PRKD1: variants seen among roughly 807,000 people sequenced by gnomAD.
PRKD1 encodes the protein protein kinase D1, also known as serine/threonine-protein kinase D1.
A neutral mutation model predicts 95.9 loss-of-function variants in PRKD1; 63 were observed. That is an observed-to-expected ratio of 0.66 (90% CI 0.54 to 0.81). The LOEUF (loss-of-function observed/expected upper bound fraction) is 0.81. Among genes scored for constraint, PRKD1 ranks in the 30% least tolerant of loss-of-function variants. The pLI is 0.00. For synonymous variants in PRKD1, 425 were observed against 423.1 expected, an observed-to-expected ratio of 1.00 and a Z score of -0.05; for missense variants, 1,048 against 1,165.3, an observed-to-expected ratio of 0.90 and a Z score of 1.47.
intron 1 of PRKD1, among the ~76,000 whole-genome samples, chr14:29,774,054 C>T (rs776030685): frequency 1.3e-5 from 2 of 152,182 alleles, no homozygotes; most frequent in Non-Finnish European, 2.9e-5. Flanking sequence ...AAATGCCTCC[C>T]AGAAAAGACG....
intron 1 of PRKD1, among the ~76,000 whole-genome samples, chr14:29,768,943 A>T (rs1219945104): frequency 6.6e-6 from 1 of 152,142 alleles, no homozygotes; most frequent in Non-Finnish European, 1.5e-5. Context: ...CGGGAGCCCA[A>T]GTCAGGTCAC....
At chr14:29,752,092 T>C (rs1887502612) in intron 1 of PRKD1, among the ~76,000 whole-genome samples, 2 of 152,222 alleles carry the variant, frequency 1.3e-5, no homozygotes, top group South Asian at 2.1e-4. Flanking sequence ...ACTACACTAA[T>C]TGATACTTGC....
At chr14:29,729,773 T>C (rs1286618413) in intron 1 of PRKD1, among the ~76,000 whole-genome samples, 2 of 152,094 alleles carry the variant, frequency 1.3e-5, no homozygotes, top group Non-Finnish European at 1.5e-5. Flanking sequence ...CTTAGTTTAA[T>C]ATGACCATTT....
At chr14:29,779,270 G>A (rs942165794) in intron 1 of PRKD1, among the ~76,000 whole-genome samples, 1 of 152,136 alleles carries the variant, frequency 6.6e-6, no homozygotes, top group African/African-American at 2.4e-5. Context: ...TCAACATAGT[G>A]TTGGAAGTTC....
At chr14:29,927,013 TGGAGAGAAATC>T (rs1219731222) in intron 1 of PRKD1, among the ~76,000 whole-genome samples, 4 of 151,882 alleles carry the variant, frequency 2.6e-5, no homozygotes, top group Admixed American at 2.0e-4. Flanking sequence ...GGCGGCGGAC[TGGAGAGAAATC>T]GGTGAATAGA....
intron 1 of PRKD1, among the ~76,000 whole-genome samples, chr14:29,888,817 T>TATATA (rs1893834537): frequency 6.6e-6 from 1 of 152,216 alleles, no homozygotes; most frequent in Non-Finnish European, 1.5e-5. Context: ...GTCCTGAGCA[T>TATATA]TAATTCATAT....
chr14:29,903,639 A>T (rs1435075087), intron 1 of PRKD1, among the ~76,000 whole-genome samples: 1 of 152,238 alleles, frequency 6.6e-6, no homozygotes, highest in East Asian at 1.9e-4. Context: ...TGAAGACTCA[A>T]AACCCTGGAT....
chr14:29,633,465 T>G (rs575607745), intron 8 of PRKD1, among the ~76,000 whole-genome samples: 1 of 152,318 alleles, frequency 6.6e-6, no homozygotes, highest in South Asian at 2.1e-4. Flanking sequence ...TTTGACTCCA[T>G]GACATCAACT....
intron 1 of PRKD1, among the ~76,000 whole-genome samples, chr14:29,901,108 C>G (rs1373983170): frequency 1.3e-5 from 2 of 152,074 alleles, no homozygotes; most frequent in Admixed American, 6.5e-5. Flanking sequence ...CAACAGTGAA[C>G]TGGATAAAGA....
At chr14:29,671,175 CAAGAGAAAAAGG>C (rs1433667638) in intron 2 of PRKD1, among the ~76,000 whole-genome samples, 2 of 151,954 alleles carry the variant, frequency 1.3e-5, no homozygotes, top group Admixed American at 1.3e-4. Flanking sequence ...AATATGGCTA[CAAGAGAAAAAGG>C]TCTCACAAGC....
At chr14:29,811,211 T>A (rs772422095) in intron 1 of PRKD1, among the ~76,000 whole-genome samples, 48 of 152,208 alleles carry the variant, frequency 3.2e-4, no homozygotes, top group Non-Finnish European at 6.5e-4. Flanking sequence ...GCCATGGTGT[T>A]ATTTGCTACT....
intron 4 of PRKD1, among the ~76,000 whole-genome samples, chr14:29,640,586 C>T (rs1880693053): frequency 6.6e-6 from 1 of 152,204 alleles, no homozygotes; most frequent in South Asian, 2.1e-4. Context: ...GTTTGCCAAA[C>T]CAGAATCATG....
At chr14:29,624,399 CAT>C (rs149960203) in intron 12 of PRKD1, 141 bp from the exon 13 acceptor site, 6,362 of 438,462 alleles carry the variant, frequency 0.015, 260 homozygotes, top group African/African-American at 0.097. Context: ...CACTGACTTA[CAT>C]ATATATATAT....
At chr14:29,656,896 A>G (rs45589633) in intron 4 of PRKD1, among the ~76,000 whole-genome samples, 70 of 152,326 alleles carry the variant, frequency 4.6e-4, no homozygotes, top group Middle Eastern at 6.8e-3. Context: ...CTTCACAATA[A>G]TTCATATTCT....
At chr14:29,810,183 A>C (rs567275477) in intron 1 of PRKD1, among the ~76,000 whole-genome samples, 1 of 152,350 alleles carries the variant, frequency 6.6e-6, no homozygotes, top group South Asian at 2.1e-4. Flanking sequence ...CCATAAAAAT[A>C]TAATAAAAGT....
intron 1 of PRKD1, among the ~76,000 whole-genome samples, chr14:29,767,489 T>C (rs1888308039): frequency 6.6e-6 from 1 of 152,206 alleles, no homozygotes; most frequent in East Asian, 1.9e-4. Context: ...TGGTCTCTCA[T>C]ATATACATCT....
At chr14:29,580,717 T>C (rs1295965662) in intron 16 of PRKD1, among the ~76,000 whole-genome samples, 1 of 152,148 alleles carries the variant, frequency 6.6e-6, no homozygotes, top group African/African-American at 2.4e-5. Flanking sequence ...ACTAAACATT[T>C]TTGAACACAG....
chr14:29,803,974 G>A (rs1436728772), intron 1 of PRKD1, among the ~76,000 whole-genome samples: 1 of 152,096 alleles, frequency 6.6e-6, no homozygotes, highest in Non-Finnish European at 1.5e-5. Context: ...GGGTGCAGTG[G>A]CTCACACCTG....
chr14:29,895,918 T>C (rs932751822), intron 1 of PRKD1, among the ~76,000 whole-genome samples: 5 of 152,202 alleles, frequency 3.3e-5, no homozygotes, highest in African/African-American at 1.2e-4. Context: ...CTTTTTACTT[T>C]TATAGATAGC....
Sources: allele counts gnomAD v4.1 joint callset (sites outside exome capture counted in the v4.1 genomes callset), GRCh38; gene constraint gnomAD v4.1.1; transcripts MANE v1.5; gene names NCBI Gene and HGNC (gene_info 2026-07-23, HGNC 2026-07-21).